The following KLRG1 variants were observed in gnomAD, a reference collection of about 807,000 sequenced individuals.
KLRG1 encodes killer cell lectin like receptor G1.
In KLRG1, 16 loss-of-function variants were observed where a neutral mutation model predicts 21.8. The ratio of observed to expected loss-of-function variants is 0.73; its 90% CI spans 0.50 to 1.11. The LOEUF (loss-of-function observed/expected upper bound fraction) is 1.11, where lower values mean the gene tolerates loss of function less well. Among genes scored for constraint, KLRG1 ranks in the 50% most tolerant of loss-of-function variants. The pLI, the probability that KLRG1 is intolerant of heterozygous loss-of-function variation, is 0.00. For synonymous variants in KLRG1, 69 were observed against 75.9 expected (o/e 0.91, Z 0.47); for missense variants, 173 against 218.3 (o/e 0.79, Z 1.31).
intron 3 of KLRG1, among the ~76,000 whole-genome samples, chr12:9,000,824 G>T (rs1360559718): frequency 1.3e-5 from 2 of 152,188 alleles, no homozygotes; most frequent in Non-Finnish European, 2.9e-5. Flanking sequence ...CTGTGAATTT[G>T]GATATCCATC....
At chr12:9,079,497 T>C in the KLRG1 span, 10 of 1,043,278 alleles carry the variant, frequency 9.6e-6, no homozygotes, top group Admixed American at 1.6e-4. Context: ...GGAGAGTGGA[T>C]AGTTTCCTTG....
At chr12:8,993,319 C>T (rs970726595) in intron 2 of KLRG1, among the ~76,000 whole-genome samples, 4 of 152,028 alleles carry the variant, frequency 2.6e-5, no homozygotes, top group Admixed American at 6.6e-5. Context: ...GACAGAATCT[C>T]GCAATGTTGT....
the KLRG1 span, among the ~76,000 whole-genome samples, chr12:9,121,140 C>T: frequency 1.3e-5 from 2 of 152,112 alleles, no homozygotes; most frequent in African/African-American, 2.4e-5. The surrounding 1 kb of genome is among the most constrained non-coding windows in gnomAD (Gnocchi z 4.4). Flanking sequence ...CCTATCTCGG[C>T]CCCGCAAAGT....
the KLRG1 span, among the ~76,000 whole-genome samples, chr12:9,194,940 T>C: frequency 6.6e-6 from 1 of 152,192 alleles, no homozygotes; most frequent in Non-Finnish European, 1.5e-5. Flanking sequence ...CGCTTCAGTT[T>C]TCCACCTTCA....
the KLRG1 span, among the ~76,000 whole-genome samples, chr12:9,207,283 C>T: frequency 6.6e-6 from 1 of 152,106 alleles, no homozygotes; most frequent in Admixed American, 6.5e-5. Flanking sequence ...TGTGGGTATG[C>T]AAGAGAGAGG....
chr12:8,976,217 C>G (rs934132206), intron 1 of KLRG1, among the ~76,000 whole-genome samples: 1 of 152,044 alleles, frequency 6.6e-6, no homozygotes, highest in African/African-American at 2.4e-5. Context: ...TCTTCTTTTA[C>G]CCAGTGGTTG....
chr12:9,091,175 A>G, the KLRG1 span: 7 of 1,604,220 alleles, frequency 4.4e-6, no homozygotes, highest in Admixed American at 1.7e-5. Flanking sequence ...GCTACCTTGT[A>G]TTTAATTTAG....
At chr12:8,987,242 T>C (rs1946856772), upstream of KLRG1, 1 of 152,234 alleles carries the variant, frequency 6.6e-6, no homozygotes, top group Non-Finnish European at 1.5e-5. Context: ...TCAGTGTGAC[T>C]GTATTTGGAG....
downstream of KLRG1, among the ~76,000 whole-genome samples, chr12:9,012,223 A>G (rs1056004755): frequency 1.1e-4 from 16 of 152,204 alleles, no homozygotes; most frequent in African/African-American, 3.9e-4. Context: ...CCTTCCTTCC[A>G]CCTGAGGAGA....
At chr12:9,104,092 TA>T in the KLRG1 span, 1 of 805,466 alleles carries the variant, frequency 1.2e-6, no homozygotes, top group Non-Finnish European at 1.9e-6. Context: ...TCATAAACTT[TA>T]AAAAAGTTAA....
the KLRG1 span, chr12:9,093,528 G>A: frequency 6.2e-7 from 1 of 1,613,262 alleles, no homozygotes; most frequent in African/African-American, 1.3e-5. Context: ...CTCCGTGTGA[G>A]GCTCTTCAAC....
the KLRG1 span, chr12:9,028,175 G>C: frequency 1.7e-6 from 1 of 604,794 alleles, no homozygotes; most frequent in Non-Finnish European, 2.9e-6. Flanking sequence ...TTCTGAGACA[G>C]AGTCTGGCTC....
At chr12:9,194,208 T>G in the KLRG1 span, 1 of 1,614,004 alleles carries the variant, frequency 6.2e-7, no homozygotes. Flanking sequence ...TTATTGGGGA[T>G]GGGCACACCT....
the KLRG1 span, among the ~76,000 whole-genome samples, chr12:9,143,451 T>TCAAAA: frequency 1.3e-5 from 2 of 152,016 alleles, no homozygotes; most frequent in African/African-American, 4.8e-5. Context: ...GGCATTCATC[T>TCAAAA]GTAGGGTCAA....
the KLRG1 span, among the ~76,000 whole-genome samples, chr12:9,075,205 GA>G: frequency 0.017 from 2,598 of 149,320 alleles, 75 homozygotes; most frequent in African/African-American, 0.06. Flanking sequence ...TCATTAAATT[GA>G]AAAAAAAAAT....
At chr12:9,215,015 A>C in the KLRG1 span, among the ~76,000 whole-genome samples, 1 of 151,988 alleles carries the variant, frequency 6.6e-6, no homozygotes, top group Non-Finnish European at 1.5e-5. Context: ...TATCAGATAT[A>C]TGATTTGAAT....
intron 2 of KLRG1, among the ~76,000 whole-genome samples, chr12:8,994,356 A>G (rs1164951875): frequency 6.6e-6 from 1 of 152,142 alleles, no homozygotes; most frequent in Non-Finnish European, 1.5e-5. Flanking sequence ...GTGAGCCACC[A>G]TGCCTGGTCA....
rs111796214 is a variant in KLRG1, at chr12:8,973,994, A to G, written c.-155-18212A>G. ...ATAATCATGTCTACTGCAAATAGCTATAGTTTTACTTCTTTCTTTTTAATT... is the reference window on the plus strand; with the variant it reads ...ATAATCATGTCTACTGCAAATAGCTGTAGTTTTACTTCTTTCTTTTTAATT... On this transcript the variant is annotated intron_variant, in intron 1 of 4. Transcript: ENST00000539240. Among the ~76,000 whole-genome samples, 1,206 of 152,170 alleles carry G rather than the reference A, an allele frequency of 7.9e-3. 5 individuals are homozygous for G. The highest frequency in any genetic ancestry group is 0.012 in the Non-Finnish European group (800 of 68,002).
the KLRG1 span, among the ~76,000 whole-genome samples, chr12:9,191,471 A>G: frequency 1.3e-5 from 2 of 152,016 alleles, no homozygotes; most frequent in African/African-American, 4.8e-5. Context: ...AATTGTTTCA[A>G]TTTTCAAAAC....
Sources: gnomAD v4.1 joint callset for allele counts (sites outside exome capture counted in the v4.1 genomes callset) on GRCh38, gnomAD v4.1.1 for gene constraint, Gnocchi (gnomAD v3.1) non-coding constraint, MANE v1.5 for transcripts, NCBI Gene and HGNC (gene_info 2026-07-23, HGNC 2026-07-21) for gene names.